The following HCN1 variants were observed in gnomAD, a reference collection of about 807,000 sequenced individuals.
The protein encoded by HCN1 is hyperpolarization activated cyclic nucleotide gated potassium channel 1, also known as potassium/sodium hyperpolarization-activated cyclic nucleotide-gated channel 1.
A neutral mutation model predicts 78.9 loss-of-function variants in HCN1; 13 were observed. The ratio of observed to expected loss-of-function variants is 0.16; its 90% CI spans 0.11 to 0.26. The LOEUF (loss-of-function observed/expected upper bound fraction) is 0.26, where lower values mean the gene tolerates loss of function less well. Ranked by LOEUF, HCN1 falls within the 10% of genes least tolerant of loss-of-function variation. HCN1 has a pLI of 1.00. For missense variants in HCN1, 810 were observed against 1,154.3 expected, an observed-to-expected ratio of 0.70 and a Z score of 4.32; for synonymous variants, 552 against 455.5, an observed-to-expected ratio of 1.21 and a Z score of -2.70.
chr5:45,428,760 GGAAT>G (rs1371609145), intron 3 of HCN1, among the ~76,000 whole-genome samples: 1 of 151,890 alleles, frequency 6.6e-6, no homozygotes, highest in Non-Finnish European at 1.5e-5. Flanking sequence ...TAGAAAGGCT[GGAAT>G]GAGTAACAGT....
intron 2 of HCN1, among the ~76,000 whole-genome samples, chr5:45,583,194 A>C (rs1744124215): frequency 6.6e-6 from 1 of 152,104 alleles, no homozygotes; most frequent in Non-Finnish European, 1.5e-5. Context: ...TTATTGCCTG[A>C]ATTTCAGAGC....
intron 2 of HCN1, among the ~76,000 whole-genome samples, chr5:45,555,276 A>T (rs547358958): frequency 5.3e-4 from 81 of 151,994 alleles, no homozygotes; most frequent in African/African-American, 1.8e-3. Flanking sequence ...AAATAAAAAA[A>T]GTAATCCCAT....
chr5:45,380,825 C>T (rs1315831114), intron 4 of HCN1, among the ~76,000 whole-genome samples: 1 of 152,118 alleles, frequency 6.6e-6, no homozygotes, highest in Admixed American at 6.6e-5. Context: ...CTTTCTGGAA[C>T]CACGAGATAA....
chr5:45,312,742 C>A (rs954056158), intron 5 of HCN1, among the ~76,000 whole-genome samples: 1 of 152,172 alleles, frequency 6.6e-6, no homozygotes, highest in Admixed American at 6.5e-5. Context: ...CTCAGGGGGT[C>A]CCACGCCCAC....
chr5:45,283,441 A>G (rs1745207726), intron 6 of HCN1, among the ~76,000 whole-genome samples: 1 of 152,192 alleles, frequency 6.6e-6, no homozygotes, highest in Non-Finnish European at 1.5e-5. Flanking sequence ...AAACAAATTT[A>G]CAAGAGAAAA....
Position 45,267,268 on chromosome 5 carries a change from A to C in HCN1, c.1619-15T>G. Reference sequence around the variant, plus strand: ...CAGGCAAATCTCTATAAAAACAAACAACAAAGAAGAATGACTTGTTTGATC... The same window carrying C: ...CAGGCAAATCTCTATAAAAACAAACCACAAAGAAGAATGACTTGTTTGATC... On this transcript the variant is annotated splice_polypyrimidine_tract_variant and intron_variant, in intron 6 of 7. Transcript: ENST00000303230. 1 of 1,612,892 alleles carries C rather than the reference A, an allele frequency of 6.2e-7. No homozygotes were observed. The highest frequency in any genetic ancestry group is 1.1e-5 in the South Asian group (1 of 91,046).
At chr5:45,293,867 AG>A (rs571310803) in intron 6 of HCN1, among the ~76,000 whole-genome samples, 220 of 152,104 alleles carry the variant, frequency 1.4e-3, no homozygotes, top group African/African-American at 4.0e-3. Flanking sequence ...AGACCTGACA[AG>A]AAAAGAAAAG....
rs1745526328 is a variant in HCN1 at position 45,645,153 on chromosome 5, ATAGATT to A, written c.849+26_849+31del. On this transcript the variant is annotated intron_variant, in intron 2 of 7. Coordinates refer to ENST00000303230, the MANE Select transcript of HCN1 (RefSeq NM_021072.4). ...CAGCCATAATTAACAATTTCATGAT[ATAGATT>A]TAAAAAAGAAAAAGATGCATCTTAC... 2.7e-6 allele frequency: 4 copies of A among 1,494,446 alleles called. No homozygotes were observed. The South Asian group carries it at 3.4e-5, about 13-fold the overall frequency. The allele number at this position is 1,494,446 out of a possible 1,614,324, so 92.6% of individuals were successfully genotyped here. A position where few individuals can be genotyped will look rare whatever the true frequency, so the allele number is the denominator to read the frequency against.
chr5:45,610,375 C>T (rs1398126874), intron 2 of HCN1, among the ~76,000 whole-genome samples: 1 of 151,406 alleles, frequency 6.6e-6, no homozygotes. Context: ...AGTCTAAAAT[C>T]GAAAAATAAA....
chr5:45,346,455 C>A (rs1229740890), intron 5 of HCN1, among the ~76,000 whole-genome samples: 1 of 152,186 alleles, frequency 6.6e-6, no homozygotes, highest in Admixed American at 6.5e-5. Context: ...TGGGTGATTT[C>A]TGCATTTCCA....
At chr5:45,608,680 A>G (rs1468256503) in intron 2 of HCN1, among the ~76,000 whole-genome samples, 1 of 152,012 alleles carries the variant, frequency 6.6e-6, no homozygotes, top group Non-Finnish European at 1.5e-5. Context: ...TGAAAGGTAT[A>G]TTTTAAATTA....
rs1406904527 is a variant in HCN1 at position 45,262,472 on chromosome 5, C to T, written c.2122G>A (p.Val708Ile). The T allele has an allele frequency of 1.2e-6, 2 of 1,612,842 alleles. No homozygotes were observed. Among genetic ancestry groups the T allele is most frequent in the South Asian group, 2.2e-5 (2 of 91,018 alleles). Reference sequence around the variant, plus strand: ...GTTCGAGCGGCCAGAGGGCTCTGTACAGGAGGGCTGCAGACCGCGGTGGTG... The same window carrying T: ...GTTCGAGCGGCCAGAGGGCTCTGTATAGGAGGGCTGCAGACCGCGGTGGTG... ...SYTTAVCSPP[V>I]QSPLAARTFH... is the part of the protein sequence containing the mutation. The change falls in exon 8 of 8, where the codon GTA becomes ATA. Residue 708 changes from valine to isoleucine, a missense_variant. This residue lies in a region of HCN1 where 398 missense variants were observed against 381.3 expected (regional missense o/e 1.04). Transcript: ENST00000303230.
chr5:45,535,314 C>G (rs1265540791), intron 2 of HCN1, among the ~76,000 whole-genome samples: 1 of 152,024 alleles, frequency 6.6e-6, no homozygotes, highest in African/African-American at 2.4e-5. Flanking sequence ...AATAGAGAAG[C>G]AGGCTGGGCA....
At chr5:45,559,416 A>G (rs1488613368) in intron 2 of HCN1, 1 of 152,232 alleles carries the variant, frequency 6.6e-6, no homozygotes, top group Non-Finnish European at 1.5e-5. Context: ...AGATGTCATT[A>G]AGAACATCTG....
chr5:45,531,507 T>A (rs2111803765), intron 2 of HCN1, among the ~76,000 whole-genome samples: 1 of 152,286 alleles, frequency 6.6e-6, no homozygotes, highest in South Asian at 2.1e-4. Context: ...AAGAACACCC[T>A]CTGTTGTCCT....
chr5:45,318,871 G>A (rs1363720978), intron 5 of HCN1, among the ~76,000 whole-genome samples: 1 of 151,882 alleles, frequency 6.6e-6, no homozygotes, highest in African/African-American at 2.4e-5. Context: ...CAACCCAGAG[G>A]TTCTAGCTAT....
intron 1 of HCN1, among the ~76,000 whole-genome samples, chr5:45,668,247 C>T (rs917265967): frequency 6.6e-6 from 1 of 151,846 alleles, no homozygotes; most frequent in African/African-American, 2.4e-5. Context: ...CAAATCTCAT[C>T]TCAAATTGTA....
At chr5:45,614,490 A>T (rs1246911315) in intron 2 of HCN1, among the ~76,000 whole-genome samples, 1 of 152,256 alleles carries the variant, frequency 6.6e-6, no homozygotes, top group Non-Finnish European at 1.5e-5. Context: ...CACAAAAAGA[A>T]AGCGAAAACT....
At chr5:45,409,678 G>A (rs1004734686) in intron 3 of HCN1, among the ~76,000 whole-genome samples, 2 of 151,982 alleles carry the variant, frequency 1.3e-5, no homozygotes, top group Admixed American at 6.6e-5. Flanking sequence ...AGAAAGGATA[G>A]TACAATAAAA....
Sources: gnomAD v4.1 joint callset for allele counts (sites outside exome capture counted in the v4.1 genomes callset) on GRCh38, gnomAD v4.1.1 for gene constraint, gnomAD v4.1.1 regional missense constraint, MANE v1.5 for transcripts, NCBI Gene and HGNC (gene_info 2026-07-23, HGNC 2026-07-21) for gene names.